The following ALDH1L1 variants were observed in gnomAD, a reference collection of about 807,000 sequenced individuals.
ALDH1L1 encodes the protein cytosolic 10-formyltetrahydrofolate dehydrogenase.
ALDH1L1 carries 68 observed loss-of-function variants against 101.1 expected under a neutral mutation model. That is an observed-to-expected ratio of 0.67 (90% CI 0.55 to 0.82). The LOEUF is 0.82. Ranked by LOEUF, ALDH1L1 falls within the 40% of genes least tolerant of loss-of-function variation. The pLI is 0.00. For missense variants in ALDH1L1, 1,087 were observed against 1,172.7 expected (o/e 0.93, Z 1.07); for synonymous variants, 486 against 470.8 (o/e 1.03, Z -0.42).
chr3:126,180,717 C>T, upstream of ALDH1L1: 9 of 1,400,922 alleles, frequency 6.4e-6, no homozygotes, highest in South Asian at 1.6e-5. Context: ...AGCGCACCCT[C>T]TCCGGGCGGG....
chr3:126,144,464 A>C (rs1041071179), intron 9 of ALDH1L1, among the ~76,000 whole-genome samples: 1 of 152,222 alleles, frequency 6.6e-6, no homozygotes, highest in African/African-American at 2.4e-5. Flanking sequence ...ATTTACTACA[A>C]AACTACAATA....
At chr3:126,114,770 AG>A (rs772828918) in intron 17 of ALDH1L1, 114 bp from the exon 18 acceptor site, 42 of 980,816 alleles carry the variant, frequency 4.3e-5, no homozygotes, top group Non-Finnish European at 6.5e-5. Flanking sequence ...GCAAGAAGCA[AG>A]ACCCGGCCAG....
chr3:126,128,004 C>T (rs763223400), intron 14 of ALDH1L1, among the ~76,000 whole-genome samples: 14 of 152,042 alleles, frequency 9.2e-5, no homozygotes, highest in Non-Finnish European at 1.9e-4. Context: ...AGGTGGGACA[C>T]AGGTGCAAGT....
At chr3:126,197,770 G>T (rs1298865485) in exon 1 of ALDH1L1, 3 of 152,184 alleles carry the variant, frequency 2.0e-5, no homozygotes, top group Non-Finnish European at 4.4e-5. Context: ...GGGGTCGCTA[G>T]AAGCTGTACT....
intron 8 of ALDH1L1, among the ~76,000 whole-genome samples, chr3:126,149,476 C>T (rs1202057352): frequency 6.6e-6 from 1 of 152,242 alleles, no homozygotes; most frequent in African/African-American, 2.4e-5. Context: ...CCAGCTGGCC[C>T]TGCAACACCA....
chr3:126,105,148 A>C (rs1945820490), intron 22 of ALDH1L1: 3 of 175,196 alleles, frequency 1.7e-5, no homozygotes, highest in East Asian at 1.4e-4. Context: ...CTCTACTGGG[A>C]GACTTGCAAC....
chr3:126,153,487 A>C lies in ALDH1L1; in HGVS notation c.815T>G (p.Val272Gly), dbSNP rs775869355. Residue 272 changes from valine to glycine, a missense_variant, in exon 7 of 23, where the codon GTC becomes GGC. Physicochemically the swap from Val to Gly is moderately radical, Grantham distance 109. Transcript: ENST00000393434. ...AAAGAGGATGAGTCCTGCTTTGGTG[A>C]CCACCCCTGGCCGATGGGCTCCTGG... ...PIPGAHRPGV[V>G]TKAGLILFGN... The C allele has an allele frequency of 1.2e-6, 2 of 1,614,116 alleles. No individual in the cohort carries two copies. Among genetic ancestry groups the C allele is most frequent in the South Asian group, 2.2e-5 (2 of 91,076 alleles).
chr3:126,113,247 C>G (rs1052407264), intron 18 of ALDH1L1, among the ~76,000 whole-genome samples: 1 of 152,182 alleles, frequency 6.6e-6, no homozygotes, highest in South Asian at 2.1e-4. Flanking sequence ...GGTGCCGACT[C>G]CTGTTTCAGA....
chr3:126,181,915 G>A (rs575407955), upstream of ALDH1L1, among the ~76,000 whole-genome samples: 65 of 152,308 alleles, frequency 4.3e-4, no homozygotes, highest in Non-Finnish European at 8.7e-4. Flanking sequence ...TTAGGCTCCA[G>A]CCTGCAGGTC....
At chr3:126,136,370 C>T (rs772965327) in intron 11 of ALDH1L1, among the ~76,000 whole-genome samples, 1 of 152,116 alleles carries the variant, frequency 6.6e-6, no homozygotes. Flanking sequence ...GAAGGAGTGG[C>T]AAACACAGGA....
chr3:126,150,581 G>A, intron 7 of ALDH1L1, 50 bp from the exon 8 acceptor site: 3 of 1,517,962 alleles, frequency 2.0e-6, no homozygotes, highest in Non-Finnish European at 2.7e-6. Context: ...TTGAGACAGA[G>A]TCTTGCTCTG....
chr3:126,110,974 G>A (rs1049939491), intron 19 of ALDH1L1, among the ~76,000 whole-genome samples: 7 of 152,226 alleles, frequency 4.6e-5, no homozygotes, highest in Non-Finnish European at 8.8e-5. Context: ...TTCTGTGGAA[G>A]TCTCATGACT....
Position 126,130,249 on chromosome 3 carries a change from C to A in ALDH1L1, c.1668G>T (p.Leu556=). ...CAACAGGCTCCTTCCTGGTCAAGGTCAGGTTGCGGTTGGGTCTGGCCTGGT... is the reference window on the plus strand; with the variant it reads ...CAACAGGCTCCTTCCTGGTCAAGGTAAGGTTGCGGTTGGGTCTGGCCTGGT... ...PINQARPNRN[L]TLTRKEPVGV... The change falls in exon 14 of 23, where the codon CTG becomes CTT. Residue 556 remains leucine, a synonymous_variant. Transcript: ENST00000393434. 1 of 1,610,218 alleles carries A rather than the reference C, an allele frequency of 6.2e-7. No homozygotes were observed. Among genetic ancestry groups the A allele is most frequent in the South Asian group, 1.1e-5 (1 of 90,272 alleles).
chr3:126,146,070 A>T (rs976335444), intron 9 of ALDH1L1, among the ~76,000 whole-genome samples: 2 of 152,138 alleles, frequency 1.3e-5, no homozygotes, highest in Non-Finnish European at 2.9e-5. Flanking sequence ...CATAGGCCCA[A>T]CTCAGCCCAC....
intron 2 of ALDH1L1, chr3:126,159,275 G>A: frequency 2.6e-6 from 1 of 382,882 alleles, no homozygotes; most frequent in Non-Finnish European, 5.1e-6. Flanking sequence ...AGCCTGCAGG[G>A]CCCCTCCTCC....
At chr3:126,173,214 A>G (rs2081313826) in intron 1 of ALDH1L1, among the ~76,000 whole-genome samples, 1 of 152,226 alleles carries the variant, frequency 6.6e-6, no homozygotes, top group Admixed American at 6.5e-5. Context: ...TCTGAGAGAT[A>G]ACAATTTGTT....
chr3:126,137,578 C>CA (rs146634188), intron 10 of ALDH1L1, among the ~76,000 whole-genome samples: 35 of 152,362 alleles, frequency 2.3e-4, no homozygotes, highest in East Asian at 1.2e-3. Context: ...CCTTGGGACT[C>CA]AGAGTTTGGC....
intron 18 of ALDH1L1, among the ~76,000 whole-genome samples, chr3:126,113,377 G>T (rs1394860982): frequency 2.0e-5 from 3 of 152,214 alleles, no homozygotes; most frequent in South Asian, 4.1e-4. Flanking sequence ...GGGTGGGTGA[G>T]AGGTGGGGCA....
upstream of ALDH1L1, among the ~76,000 whole-genome samples, chr3:126,181,709 C>T (rs1201562606): frequency 6.6e-6 from 1 of 152,194 alleles, no homozygotes; most frequent in African/African-American, 2.4e-5. Context: ...TCTTTGAGGA[C>T]AGGAAATTTG....
Sources: allele counts gnomAD v4.1 joint callset (sites outside exome capture counted in the v4.1 genomes callset), GRCh38; gene constraint gnomAD v4.1.1; transcripts MANE v1.5; gene names NCBI Gene and HGNC (gene_info 2026-07-23, HGNC 2026-07-21).